RGPD1: variants seen among roughly 807,000 people sequenced by gnomAD.
RGPD1 encodes RANBP2 like and GRIP domain containing 1, also known as RANBP2-like and GRIP domain-containing protein 1.
In RGPD1, 7 loss-of-function variants were observed where a neutral mutation model predicts 40.6. The ratio of observed to expected loss-of-function variants is 0.17; its 90% confidence interval spans 0.10 to 0.32. The LOEUF (loss-of-function observed/expected upper bound fraction) is 0.32, where lower values mean the gene tolerates loss of function less well. RGPD1 is among the 10% of genes least tolerant of loss of function. The pLI is 1.00. For synonymous variants in RGPD1, 24 were observed against 167.0 expected, an observed-to-expected ratio of 0.14 and a Z score of 6.60; for missense variants, 50 against 472.5, an observed-to-expected ratio of 0.11 and a Z score of 8.29.
chr2:86,944,000 G>T (rs1343302197), intron 1 of RGPD1, among the ~76,000 whole-genome samples: 2 of 151,512 alleles, frequency 1.3e-5, no homozygotes, highest in African/African-American at 2.4e-5. Context: ...GGCGACAGAG[G>T]GAGACTCCAA....
At chr2:86,944,193 A>C (rs1031329460) in intron 1 of RGPD1, among the ~76,000 whole-genome samples, 5 of 152,192 alleles carry the variant, frequency 3.3e-5, no homozygotes, top group African/African-American at 1.2e-4. Flanking sequence ...TAGGTAGTGC[A>C]GCAGAATTTT....
At chr2:86,942,370 C>G (rs780329287) in intron 1 of RGPD1, 62 bp downstream of exon 1, 184,605 of 1,006,314 alleles carry the variant, frequency 0.18, 12,465 homozygotes, top group East Asian at 0.28. Flanking sequence ...TCGACCTGGC[C>G]GGGCGGCGGC....
intron 1 of RGPD1, among the ~76,000 whole-genome samples, chr2:86,931,489 A>C (rs1199290591): frequency 6.6e-6 from 1 of 151,490 alleles, no homozygotes; most frequent in Non-Finnish European, 1.5e-5. Flanking sequence ...ACTGCTGCTG[A>C]TGTGTACCAA....
intron 22 of RGPD1, among the ~76,000 whole-genome samples, chr2:87,008,950 C>T (rs1319206550): frequency 1.4e-5 from 2 of 141,776 alleles, no homozygotes; most frequent in Admixed American, 7.0e-5. Flanking sequence ...GAGTCAAGAA[C>T]TGTGAGACAA....
chr2:86,942,544 G>GCGGCGGCGGCCTCGACCTGGCC (rs1679929145), intron 1 of RGPD1, among the ~76,000 whole-genome samples: 2 of 132,026 alleles, frequency 1.5e-5, no homozygotes, highest in East Asian at 2.2e-4. Context: ...TGGCCGGGCG[G>GCGGCGGCGGCCTCGACCTGGCC]CGGCGGCGGC....
In RGPD1 at chr2:86,914,721, GGGCGGCGGCGGCGGC is replaced by G. The variant is rs1304942420; in HGVS notation, c.72+819_72+833del. Among the ~76,000 whole-genome samples the G allele has an allele frequency of 1.4e-3, 11 of 7,726 alleles. 1 individual carries two copies. The highest frequency in any genetic ancestry group is 5.9e-3 in the East Asian group (1 of 170). The allele number at this position is 7,726 out of a possible 152,430, so 5.1% of individuals were successfully genotyped here. On this transcript the variant is annotated intron_variant, in intron 1 of 22. Transcript: ENST00000398193. ...CGGCGGCGGCGGCCTCGACCTGGCC[GGGCGGCGGCGGCGGC>G]GGCGGCGGCGGCGGCGGCCTCGACC...
intron 1 of RGPD1, among the ~76,000 whole-genome samples, chr2:86,942,734 C>G (rs963543320): frequency 2.7e-5 from 4 of 150,508 alleles, no homozygotes; most frequent in East Asian, 2.0e-4. Context: ...ATGGCTCAGG[C>G]GTCATGGCTC....
At position 86,954,721 on chromosome 2, in the gene RGPD1, G is replaced by A. The variant is rs1193370103; in HGVS notation, c.402+1071G>A. On this transcript the variant is annotated intron_variant, in intron 4 of 22. Transcript: ENST00000641458. ...ACTCAACCTGTTTAACCCGACCAAAGCACAATATCAAAATCAGGAATTTTG... is the reference window on the plus strand; with the variant it reads ...ACTCAACCTGTTTAACCCGACCAAAACACAATATCAAAATCAGGAATTTTG... Among the ~76,000 whole-genome samples, 5 of 148,272 alleles carry A rather than the reference G, an allele frequency of 3.4e-5. 1 individual carries two copies. Among genetic ancestry groups the A allele is most frequent in the Non-Finnish European group, 7.5e-5 (5 of 66,758 alleles).
chr2:86,943,785 C>T (rs749186562), intron 1 of RGPD1, among the ~76,000 whole-genome samples: 4 of 152,072 alleles, frequency 2.6e-5, no homozygotes, highest in Non-Finnish European at 5.9e-5. Flanking sequence ...CCGAGGAGGG[C>T]GGATTGCCTG....
intron 1 of RGPD1, among the ~76,000 whole-genome samples, chr2:86,932,022 G>T (rs1679027010): frequency 6.8e-6 from 1 of 147,914 alleles, no homozygotes; most frequent in African/African-American, 2.5e-5. Flanking sequence ...AGACAGAGAA[G>T]ATAATAATAT....
chr2:86,960,410 A>G (rs1224093829), intron 6 of RGPD1, among the ~76,000 whole-genome samples: 3 of 69,590 alleles, frequency 4.3e-5, no homozygotes, highest in African/African-American at 1.0e-4. Context: ...TATTTTTAGT[A>G]GAGACGGAGT....
Position 86,984,914 on chromosome 2 carries a change from A to G in RGPD1, c.2676+66A>G. 1.1e-4 allele frequency: 6 copies of G among 57,038 alleles called. No individual in the cohort carries two copies. In the African/African-American group the frequency reaches 4.9e-3, roughly 46 times the overall value. The allele number at this position is 57,038 out of a possible 1,614,324, so 3.5% of individuals were successfully genotyped here. On this transcript the variant is annotated intron_variant, in intron 19 of 22. Transcript: ENST00000641458. ...TTTAAATTGTTTAGGGTTCCTTCAA[A>G]TAAATTCAAGAGAGCAGTTCACTAT...
intron 1 of RGPD1, among the ~76,000 whole-genome samples, chr2:86,931,910 G>A (rs1008924240): frequency 1.2e-3 from 178 of 147,898 alleles, no homozygotes; most frequent in Non-Finnish European, 1.6e-3. Context: ...TATAGACAGA[G>A]AAGATAATAA....
At chr2:86,928,204 C>A (rs1163118616) in intron 1 of RGPD1, among the ~76,000 whole-genome samples, 1 of 149,900 alleles carries the variant, frequency 6.7e-6, no homozygotes, top group African/African-American at 2.5e-5. Flanking sequence ...GCAAAGAGCC[C>A]TGATACAAGA....
At chr2:86,936,971 GGAACCTGGCA>G (rs1679397052) in intron 1 of RGPD1, among the ~76,000 whole-genome samples, 1 of 109,418 alleles carries the variant, frequency 9.1e-6, no homozygotes. Flanking sequence ...GCACAGACTG[GGAACCTGGCA>G]GAGTTTTAAC....
At chr2:86,941,599 C>T (rs1283959562), upstream of RGPD1, among the ~76,000 whole-genome samples, 4 of 151,694 alleles carry the variant, frequency 2.6e-5, no homozygotes, top group Non-Finnish European at 4.4e-5. Flanking sequence ...TTTGAACTGC[C>T]TGGGTCCACT....
chr2:86,943,106 C>T (rs879339034), intron 1 of RGPD1, among the ~76,000 whole-genome samples: 8 of 151,394 alleles, frequency 5.3e-5, no homozygotes, highest in African/African-American at 1.2e-4. Flanking sequence ...GACGCAGCTC[C>T]GGGTGAGCTT....
At chr2:86,920,313 T>C (rs960338154) in intron 1 of RGPD1, among the ~76,000 whole-genome samples, 12 of 151,486 alleles carry the variant, frequency 7.9e-5, no homozygotes, top group African/African-American at 2.9e-4. Flanking sequence ...CAAGTGATCC[T>C]CCCACCTTGG....
chr2:86,955,943 G>A (rs1573623965), intron 4 of RGPD1, among the ~76,000 whole-genome samples: 2 of 150,672 alleles, frequency 1.3e-5, no homozygotes, highest in South Asian at 4.2e-4. Flanking sequence ...AGTGTAACAA[G>A]TAAGATACTT....
Sources: gnomAD v4.1 joint callset for allele counts (sites outside exome capture counted in the v4.1 genomes callset) on GRCh38, gnomAD v4.1.1 for gene constraint, MANE v1.5 for transcripts, NCBI Gene and HGNC (gene_info 2026-07-23, HGNC 2026-07-21) for gene names.